Variants in UPRT observed in about 807,000 individuals in gnomAD.
The protein encoded by UPRT is uracil phosphoribosyltransferase homolog, also known as RP11-311P8.3.
UPRT carries 5 observed loss-of-function variants against 22.6 expected under a neutral mutation model. That is an observed-to-expected ratio of 0.22 (90% CI 0.12 to 0.47). The LOEUF (loss-of-function observed/expected upper bound fraction) is 0.47, where lower values mean the gene tolerates loss of function less well. UPRT is among the 20% of genes least tolerant of loss of function. The pLI, the probability that UPRT is intolerant of heterozygous loss-of-function variation, is 0.99. For synonymous variants in UPRT, 77 were observed against 87.7 expected (o/e 0.88, Z 0.68); for missense variants, 181 against 239.9 (o/e 0.75, Z 1.62).
intron 2 of UPRT, among the ~76,000 whole-genome samples, chrX:75,162,502 A>T (rs1389574648): frequency 1.4e-4 from 13 of 89,790 alleles, no homozygotes; most frequent in Non-Finnish European, 2.7e-4. Flanking sequence ...AAGATGTTGA[A>T]GTGGGGTGAG....
Position 75,274,262 on chromosome X carries a change from C to T in UPRT, c.8C>T (p.Thr3Met), listed in dbSNP as rs1270700952. The T allele has an allele frequency of 5.0e-6, 6 of 1,199,615 alleles. No individual in the cohort carries two copies. Among genetic ancestry groups the T allele is most frequent in the Non-Finnish European group, 5.6e-6 (5 of 887,613 alleles). The change falls in exon 1 of 7, where the codon ACG (threonine) becomes ATG (methionine). Residue 3 changes from threonine to methionine, a missense_variant. Around this residue, in one of 2 missense-constraint regions of UPRT, gnomAD observed 111 missense variants for 102.8 expected, o/e 1.08. Coordinates refer to ENST00000373383, the MANE Select transcript of UPRT (RefSeq NM_145052.4). ...TAGCCCGGGGCCCGGTGTATGGCCA[C>T]GGAGTTACAGTGTCCGGACTCCATG... is the stretch of plus-strand genomic sequence containing the variant. The part of the protein sequence containing the change: MA[T>M]ELQCPDSMPC...
At chrX:75,176,820 A>G (rs1240556560) in intron 4 of UPRT, among the ~76,000 whole-genome samples, 2 of 111,066 alleles carry the variant, frequency 1.8e-5, no homozygotes. Flanking sequence ...ATTTCACTCC[A>G]TTTGCCTTCC....
At chrX:75,222,554 A>G (rs753237352) in intron 4 of UPRT, among the ~76,000 whole-genome samples, 1 of 111,227 alleles carries the variant, frequency 9.0e-6, no homozygotes, top group African/African-American at 3.3e-5. Flanking sequence ...ACCACAAGAC[A>G]AAGTCCTTCC....
chrX:75,253,147 A>C (rs1480086492), intron 4 of UPRT, among the ~76,000 whole-genome samples: 1 of 111,666 alleles, frequency 9.0e-6, no homozygotes, highest in Admixed American at 9.5e-5. Flanking sequence ...ACATATTAAC[A>C]AACCTGCACG....
intron 4 of UPRT, among the ~76,000 whole-genome samples, chrX:75,179,650 T>A (rs1277447175): frequency 1.8e-5 from 2 of 113,431 alleles, no homozygotes; most frequent in Non-Finnish European, 3.7e-5. Flanking sequence ...CTGCAGGTCC[T>A]GAGCCCTGCC....
At chrX:75,254,509 C>T (rs1404644070) in intron 4 of UPRT, among the ~76,000 whole-genome samples, 1 of 111,666 alleles carries the variant, frequency 9.0e-6, no homozygotes, top group Non-Finnish European at 1.9e-5. Context: ...ATAAACAAAG[C>T]CTCCAAGAAG....
chrX:75,257,162 C>A (rs746652347), intron 4 of UPRT, among the ~76,000 whole-genome samples: 2 of 112,037 alleles, frequency 1.8e-5, no homozygotes, highest in South Asian at 7.5e-4. Flanking sequence ...TCAAAAAGAT[C>A]ATCCATCATG....
At chrX:75,278,965 G>T (rs934569985) in intron 1 of UPRT, among the ~76,000 whole-genome samples, 1 of 111,702 alleles carries the variant, frequency 9.0e-6, no homozygotes, top group Non-Finnish European at 1.9e-5. Flanking sequence ...CTTAACCAAA[G>T]CTGTGTGCAT....
In UPRT at chrX:75,274,133, C is replaced by A; in HGVS notation, c.-122C>A. On this transcript the variant is annotated 5_prime_UTR_variant, in exon 1 of 7. Coordinates refer to ENST00000373383, the MANE Select transcript of UPRT (RefSeq NM_145052.4). ...AGCGGCCTAGGGGTGAAAGGACAGC[C>A]AGGGTTAGATGTTCTGAGGAGGCGG... The A allele has an allele frequency of 9.6e-7, 1 of 1,041,790 alleles. No individual in the cohort carries two copies. The highest frequency in any genetic ancestry group is 1.3e-6 in the Non-Finnish European group (1 of 786,887). The allele number at this position is 1,041,790 out of a possible 1,213,427, so 85.9% of individuals were successfully genotyped here.
intron 4 of UPRT, among the ~76,000 whole-genome samples, chrX:75,234,296 G>A (rs1054305452): frequency 9.0e-6 from 1 of 111,062 alleles, no homozygotes; most frequent in Non-Finnish European, 1.9e-5. Context: ...CAAGTCCTGA[G>A]TGACCTACAA....
At chrX:75,239,894 A>G (rs1281864178) in intron 4 of UPRT, among the ~76,000 whole-genome samples, 1 of 111,598 alleles carries the variant, frequency 9.0e-6, no homozygotes, top group East Asian at 2.8e-4. Flanking sequence ...AAAATTTAGC[A>G]TCCCTTTATG....
At chrX:75,285,861 T>A (rs764417392) in intron 1 of UPRT, among the ~76,000 whole-genome samples, 8 of 111,541 alleles carry the variant, frequency 7.2e-5, no homozygotes, top group South Asian at 3.8e-4. Flanking sequence ...TTATTTTTTT[T>A]AAACTTTTTG....
At position 75,267,209 on chromosome X, in the gene UPRT, T is replaced by C. The variant is rs183859942; in HGVS notation, c.-446-23815T>C. On this transcript the variant is annotated intron_variant, in intron 4 of 13. Transcript: ENST00000652605. Reference sequence around the variant, plus strand: ...AACCGAAATGTCCATCAGTGATAGATTGGATTAAGAAAATGTTGCACATAT... The same window carrying C: ...AACCGAAATGTCCATCAGTGATAGACTGGATTAAGAAAATGTTGCACATAT... 7.9e-3 allele frequency among the ~76,000 whole-genome samples: 886 copies of C among 111,918 alleles called. 11 individuals are homozygous for C. The highest frequency in any genetic ancestry group is 0.026 in the African/African-American group (815 of 30,820).
At chrX:75,188,404 G>A (rs994022058) in intron 4 of UPRT, among the ~76,000 whole-genome samples, 1 of 111,988 alleles carries the variant, frequency 8.9e-6, no homozygotes, top group African/African-American at 3.3e-5. Flanking sequence ...CTGTGTGCTG[G>A]GAGAACCACT....
intron 4 of UPRT, among the ~76,000 whole-genome samples, chrX:75,191,081 C>A (rs2082313223): frequency 8.9e-6 from 1 of 111,784 alleles, no homozygotes; most frequent in South Asian, 3.7e-4. Context: ...AGCTTTTCTG[C>A]TCTGTTTCTT....
At chrX:75,166,774 A>C (rs920853079) in intron 3 of UPRT, among the ~76,000 whole-genome samples, 2 of 112,205 alleles carry the variant, frequency 1.8e-5, no homozygotes, top group East Asian at 5.6e-4. Context: ...AACTAAAGAC[A>C]TCCTTACTTT....
intron 4 of UPRT, among the ~76,000 whole-genome samples, chrX:75,259,871 C>T (rs1490217063): frequency 9.0e-6 from 1 of 111,591 alleles, no homozygotes; most frequent in African/African-American, 3.3e-5. Flanking sequence ...TCGAGTTACC[C>T]ACAAAGGGGA....
intron 4 of UPRT, among the ~76,000 whole-genome samples, chrX:75,213,392 G>A (rs1278503415): frequency 8.9e-6 from 1 of 111,928 alleles, no homozygotes; most frequent in African/African-American, 3.2e-5. Flanking sequence ...TTAAAAAAAT[G>A]ATTACTTTTT....
At chrX:75,232,755 G>C (rs1207530744) in intron 4 of UPRT, among the ~76,000 whole-genome samples, 1 of 111,957 alleles carries the variant, frequency 8.9e-6, no homozygotes, top group Non-Finnish European at 1.9e-5. Context: ...CTAACAAACA[G>C]AAAGGAAATC....
Sources: allele counts gnomAD v4.1 joint callset (sites outside exome capture counted in the v4.1 genomes callset), GRCh38; gene constraint gnomAD v4.1.1; regional missense constraint gnomAD v4.1.1; transcripts MANE v1.5; gene names NCBI Gene and HGNC (gene_info 2026-07-23, HGNC 2026-07-21).